CDKAL1: variants seen among roughly 807,000 people sequenced by gnomAD.
CDKAL1 encodes the protein threonylcarbamoyladenosine tRNA methylthiotransferase.
In CDKAL1, 32 loss-of-function variants were observed where a neutral mutation model predicts 68.2. The ratio of observed to expected loss-of-function variants is 0.47; its 90% CI spans 0.35 to 0.63. The LOEUF is 0.63. CDKAL1 is among the 30% of genes least tolerant of loss of function. The probability of loss-of-function intolerance (pLI) is 0.00; values close to 1 mark genes in which losing one functional copy is unlikely to be tolerated. For synonymous variants in CDKAL1, 234 were observed against 244.3 expected (o/e 0.96, Z 0.39); for missense variants, 606 against 696.7 (o/e 0.87, Z 1.47).
chr6:20,736,699 G>A (rs1167972861), intron 5 of CDKAL1, among the ~76,000 whole-genome samples: 1 of 151,838 alleles, frequency 6.6e-6, no homozygotes, highest in East Asian at 1.9e-4. Flanking sequence ...AGGAACCCAG[G>A]AGGCGGAACT....
intron 2 of CDKAL1, among the ~76,000 whole-genome samples, chr6:20,538,733 T>C (rs1763273608): frequency 6.6e-6 from 1 of 152,236 alleles, no homozygotes; most frequent in South Asian, 2.1e-4. Context: ...AATTATTTCA[T>C]AGAAGAGTGG....
intron 5 of CDKAL1, among the ~76,000 whole-genome samples, chr6:20,693,696 C>A (rs960157665): frequency 6.6e-6 from 1 of 152,156 alleles, no homozygotes; most frequent in African/African-American, 2.4e-5. Flanking sequence ...ATACTTTTGC[C>A]TTTCCTTGTC....
intron 7 of CDKAL1, among the ~76,000 whole-genome samples, chr6:20,772,671 C>G (rs1022846252): frequency 5.9e-5 from 9 of 152,158 alleles, no homozygotes; most frequent in Admixed American, 5.9e-4. Flanking sequence ...ACATTCCATT[C>G]CAATGAATGT....
intron 4 of CDKAL1, among the ~76,000 whole-genome samples, chr6:20,642,514 C>G (rs1054127828): frequency 1.2e-4 from 17 of 147,204 alleles, no homozygotes; most frequent in Non-Finnish European, 2.5e-4. Flanking sequence ...GGCCCTTATG[C>G]GTGAAAAGGT....
intron 13 of CDKAL1, among the ~76,000 whole-genome samples, chr6:21,168,026 GGTTAA>G (rs1351385618): frequency 6.6e-6 from 1 of 152,186 alleles, no homozygotes; most frequent in Non-Finnish European, 1.5e-5. Context: ...CCTGAGGAAT[GGTTAA>G]GTTATGTTCC....
chr6:20,557,019 C>A, intron 4 of CDKAL1, among the ~76,000 whole-genome samples: 1 of 116,236 alleles, frequency 8.6e-6, no homozygotes, highest in Non-Finnish European at 1.8e-5. Flanking sequence ...GCCTGGGCAA[C>A]AGAAAGAACG....
intron 9 of CDKAL1, among the ~76,000 whole-genome samples, chr6:20,865,860 A>G (rs1011237461): frequency 6.6e-6 from 1 of 152,194 alleles, no homozygotes; most frequent in African/African-American, 2.4e-5. Context: ...CCTAAAATCT[A>G]TGTGCCCCTC....
intron 8 of CDKAL1, among the ~76,000 whole-genome samples, chr6:20,825,452 G>A (rs1202114902): frequency 6.6e-6 from 1 of 152,108 alleles, no homozygotes; most frequent in East Asian, 1.9e-4. Flanking sequence ...TGTGGACTGT[G>A]CTGGCTTGTG....
chr6:20,758,785 A>G (rs1026514682), intron 7 of CDKAL1, 142 bp downstream of exon 7: 12 of 633,944 alleles, frequency 1.9e-5, no homozygotes, highest in Non-Finnish European at 2.8e-5. Context: ...CCTTGGCTTC[A>G]TGAATTTGCC....
At chr6:20,884,904 A>G (rs1760995993) in intron 9 of CDKAL1, among the ~76,000 whole-genome samples, 1 of 152,202 alleles carries the variant, frequency 6.6e-6, no homozygotes, top group African/African-American at 2.4e-5. Context: ...AAGCAGGAGA[A>G]TCACTTGAGC....
chr6:20,963,623 G>A (rs1249934692), intron 10 of CDKAL1, among the ~76,000 whole-genome samples: 1 of 152,168 alleles, frequency 6.6e-6, no homozygotes, highest in Non-Finnish European at 1.5e-5. Flanking sequence ...TGTTGCTGCT[G>A]AATGTTATTT....
chr6:20,791,982 A>AG (rs1199727042), intron 8 of CDKAL1, among the ~76,000 whole-genome samples: 12 of 146,168 alleles, frequency 8.2e-5, no homozygotes, highest in East Asian at 4.0e-4. Flanking sequence ...ATCAAGAGAG[A>AG]GAAAAAAAAA....
intron 12 of CDKAL1, among the ~76,000 whole-genome samples, chr6:21,103,050 G>C (rs1773660771): frequency 6.6e-6 from 1 of 152,164 alleles, no homozygotes; most frequent in South Asian, 2.1e-4. Context: ...TTGAAAACTT[G>C]TAGGCTTTAT....
At chr6:20,745,583 A>T (rs2150332195) in intron 6 of CDKAL1, among the ~76,000 whole-genome samples, 1 of 152,248 alleles carries the variant, frequency 6.6e-6, no homozygotes, top group East Asian at 1.9e-4. Context: ...TCTCACCTGT[A>T]TTCATATATG....
chr6:21,118,531 A>G (rs113004655), intron 13 of CDKAL1, among the ~76,000 whole-genome samples: 3,250 of 152,318 alleles, frequency 0.021, 137 homozygotes, highest in African/African-American at 0.073. Context: ...AAGTATTTCC[A>G]TGGGCCAATA....
At chr6:20,553,264 C>T (rs1425242762) in intron 4 of CDKAL1, among the ~76,000 whole-genome samples, 6 of 152,000 alleles carry the variant, frequency 3.9e-5, no homozygotes, top group African/African-American at 1.5e-4. Flanking sequence ...AATCCCAGCA[C>T]TTAGGAGGCC....
intron 15 of CDKAL1, among the ~76,000 whole-genome samples, chr6:21,206,035 G>A (rs1312646951): frequency 4.0e-5 from 6 of 150,612 alleles, no homozygotes; most frequent in Admixed American, 2.0e-4. Context: ...AGTAGAGACG[G>A]GGTTTCACCA....
chr6:21,223,596 C>G (rs748672043), intron 15 of CDKAL1, among the ~76,000 whole-genome samples: 11 of 152,158 alleles, frequency 7.2e-5, no homozygotes, highest in Non-Finnish European at 1.5e-4. Context: ...ACATGACTTC[C>G]TTCCATTGGA....
intron 9 of CDKAL1, among the ~76,000 whole-genome samples, chr6:20,905,674 T>A (rs1398440955): frequency 1.3e-5 from 2 of 152,110 alleles, no homozygotes; most frequent in Non-Finnish European, 2.9e-5. Flanking sequence ...AAGGAGTATC[T>A]TGAAAACGGC....
Sources: allele counts gnomAD v4.1 joint callset (sites outside exome capture counted in the v4.1 genomes callset), GRCh38; gene constraint gnomAD v4.1.1; transcripts MANE v1.5; gene names NCBI Gene and HGNC (gene_info 2026-07-23, HGNC 2026-07-21).